The following NRIP2 variants were observed in gnomAD, a reference collection of about 807,000 sequenced individuals.
NRIP2 encodes nuclear receptor interacting protein 2, also known as nuclear receptor-interacting protein 2.
In NRIP2, 27 loss-of-function variants were observed where a neutral mutation model predicts 34.1. The observed-to-expected ratio is 0.79, with a 90% CI of 0.58 to 1.09. The LOEUF is 1.09. NRIP2 is among the 50% of genes least tolerant of loss of function. The pLI, the probability that NRIP2 is intolerant of heterozygous loss-of-function variation, is 0.00. For missense variants in NRIP2, 385 were observed against 352.6 expected (o/e 1.09, Z -0.74); for synonymous variants, 145 against 146.9 (o/e 0.99, Z 0.09).
chr12:2,830,929 C>G lies in NRIP2; in HGVS notation c.343-69G>C, dbSNP rs937721679. 3.9e-6 allele frequency: 6 copies of G among 1,539,308 alleles called. No homozygotes were observed. In the African/African-American group the frequency reaches 8.2e-5, roughly 21 times the overall value. The stretch of plus-strand genomic sequence containing the variant: ...AGGCATCCAGGCTGCTCAGTTACCC[C>G]ACTTAGATACCCCAGGATGCTCCCC... On this transcript the variant is annotated intron_variant, in intron 1 of 5. Coordinates refer to ENST00000337508, the MANE Select transcript of NRIP2 (RefSeq NM_031474.3).
chr12:2,830,735 C>G lies in NRIP2; in HGVS notation c.468G>C (p.Glu156Asp). ...TGCAGTTGACCAGAAGAGCTGGAATCTCTGTCCTGCTGGTCTTCCTCCTGC... is the reference window on the plus strand; with the variant it reads ...TGCAGTTGACCAGAAGAGCTGGAATGTCTGTCCTGCTGGTCTTCCTCCTGC... The part of the protein sequence containing the change: ...QESRRKTSRT[E>D]IPALLVNCKC... The change falls in exon 2 of 6, where the codon GAG becomes GAC. Residue 156 changes from glutamate to aspartate, a missense_variant. Glu to Asp is a conservative substitution (Grantham distance 45, BLOSUM62 2). Coordinates refer to ENST00000337508, the MANE Select transcript of NRIP2 (RefSeq NM_031474.3). The G allele has an allele frequency of 3.1e-6, 5 of 1,613,252 alleles. No individual in the cohort carries two copies. Among genetic ancestry groups the G allele is most frequent in the Non-Finnish European group, 4.2e-6 (5 of 1,179,568 alleles).
intron 1 of NRIP2, 74 bp downstream of exon 1, chr12:2,834,568 T>TG: frequency 6.6e-7 from 1 of 1,512,444 alleles, no homozygotes; most frequent in Non-Finnish European, 8.8e-7. Context: ...TTTCTGGTCC[T>TG]GCCTCCTGCT....
chr12:2,834,861 G>A lies in NRIP2; in HGVS notation c.123C>T (p.Ser41=), dbSNP rs1407215579. ...REDSVTPPPS[S]PWPTPPAGAM... ...CCCCTGCTGGAGGAGTGGGCCAGGG[G>A]CTGCTCGGTGGGGGCGTCACCGAGT... The change falls in exon 1 of 6, where the codon AGC becomes AGT. Residue 41 remains serine, a synonymous_variant. Transcript: ENST00000337508. 3 of 1,613,794 alleles carry A rather than the reference G, an allele frequency of 1.9e-6. No homozygotes were observed. The South Asian group carries it at 3.3e-5, about 18-fold the overall frequency.
At chr12:2,834,341 C>T (rs1181827041) in intron 1 of NRIP2, among the ~76,000 whole-genome samples, 1 of 152,210 alleles carries the variant, frequency 6.6e-6, no homozygotes, top group Admixed American at 6.5e-5. Context: ...TAGAGGGTTC[C>T]TGTGTTCCTG....
intron 1 of NRIP2, among the ~76,000 whole-genome samples, chr12:2,831,697 A>G (rs7307516): frequency 0.18 from 27,037 of 152,000 alleles, 2,698 homozygotes; most frequent in South Asian, 0.34. Context: ...CCCAAATTCT[A>G]TAAGTTTTGC....
At chr12:2,834,555 C>T in intron 1 of NRIP2, 87 bp downstream of exon 1, 1 of 1,502,160 alleles carries the variant, frequency 6.7e-7, no homozygotes. Context: ...TGAGGGTCTG[C>T]ACTTTCTGGT....
Position 2,827,150 on chromosome 12 carries a change from A to C in NRIP2, c.*57T>G. The C allele has an allele frequency of 6.2e-7, 1 of 1,611,784 alleles. No homozygotes were observed. The highest frequency in any genetic ancestry group is 8.5e-7 in the Non-Finnish European group (1 of 1,179,178). Reference sequence around the variant, plus strand: ...CTGGCTTCAAGAGCCCCCGTTCCCCACACGCCTCTTCTTCTAAGGCAAGGT... The same window carrying C: ...CTGGCTTCAAGAGCCCCCGTTCCCCCCACGCCTCTTCTTCTAAGGCAAGGT... On this transcript the variant is annotated 3_prime_UTR_variant, in exon 6 of 6. Transcript: ENST00000337508. This position sits in a 1 kb window ranked among gnomAD's most constrained non-coding sequence, Gnocchi z 4.0.
Position 2,834,876 on chromosome 12 carries a change from C to A in NRIP2, c.108G>T (p.Thr36=), listed in dbSNP as rs564747710. 1.9e-6 allele frequency: 3 copies of A among 1,613,722 alleles called. No homozygotes were observed. In the East Asian group the frequency reaches 6.7e-5, roughly 36 times the overall value. The change falls in exon 1 of 6, where the codon ACG becomes ACT. Residue 36 remains threonine, a synonymous_variant. Coordinates refer to ENST00000337508, the MANE Select transcript of NRIP2 (RefSeq NM_031474.3). ...TGGGCCAGGGGCTGCTCGGTGGGGG[C>A]GTCACCGAGTCCTCTCTGCTTCTTC... ...QAGRSREDSV[T]PPPSSPWPTP...
rs1449900157 is a variant in NRIP2 at position 2,825,804 on chromosome 12, C to G, written c.*1403G>C. On this transcript the variant is annotated 3_prime_UTR_variant, in exon 6 of 6. Coordinates refer to ENST00000337508, the MANE Select transcript of NRIP2 (RefSeq NM_031474.3). ...TGGAGACAGGGTCTCACTCCTTCAC[C>G]CAGGCTGGAGTCCGATGGCACGAAC... 3 of 152,280 alleles carry G rather than the reference C, an allele frequency of 2.0e-5. No homozygotes were observed. Among genetic ancestry groups the G allele is most frequent in the Non-Finnish European group, 4.4e-5 (3 of 68,144 alleles). 9.4% of individuals were successfully genotyped at this position (152,280 alleles called of 1,614,324 possible).
chr12:2,830,603 TTCTC>T, intron 2 of NRIP2, 101 bp downstream of exon 2: 5 of 1,260,448 alleles, frequency 4.0e-6, no homozygotes, highest in Non-Finnish European at 5.4e-6. Flanking sequence ...GAGGTGCCCT[TTCTC>T]CCTCCCTCCC....
Position 2,828,695 on chromosome 12 carries a change from A to T in NRIP2, c.496-281T>A, listed in dbSNP as rs571110504. Among the ~76,000 whole-genome samples the T allele has an allele frequency of 5.3e-5, 8 of 152,274 alleles. No homozygotes were observed. The East Asian group carries it at 1.4e-3, about 26-fold the overall frequency. Reference sequence around the variant, plus strand: ...CTGTCTCTACTAAAAATACAAAATTAGCTGGGTGTGGTGGCGCATGCCTGT... The same window carrying T: ...CTGTCTCTACTAAAAATACAAAATTTGCTGGGTGTGGTGGCGCATGCCTGT... On this transcript the variant is annotated intron_variant, in intron 2 of 5. Coordinates refer to ENST00000337508, the MANE Select transcript of NRIP2 (RefSeq NM_031474.3).
chr12:2,832,687 G>T (rs1168067057), intron 1 of NRIP2, among the ~76,000 whole-genome samples: 1 of 150,234 alleles, frequency 6.7e-6, no homozygotes, highest in East Asian at 2.0e-4. Context: ...TCCCCCATTA[G>T]CCTGGAGAGC....
intron 1 of NRIP2, among the ~76,000 whole-genome samples, chr12:2,831,207 GT>G (rs59616621): frequency 1.3e-5 from 2 of 148,270 alleles, no homozygotes; most frequent in African/African-American, 2.5e-5. Context: ...AACTAGGAGG[GT>G]TTTTTTTTTC....
Position 2,826,888 on chromosome 12 carries a change from C to G in NRIP2, c.*319G>C, listed in dbSNP as rs544408695. On this transcript the variant is annotated 3_prime_UTR_variant, in exon 6 of 6. Coordinates refer to ENST00000337508, the MANE Select transcript of NRIP2 (RefSeq NM_031474.3). ...ACAGCAGTCAGCAGAGCCTTCGACC[C>G]AGCCCAAGCAGGCACCCCATTGTGC... 34 of 879,260 alleles carry G rather than the reference C, an allele frequency of 3.9e-5. No individual in the cohort carries two copies. In the East Asian group the frequency reaches 1.6e-3, roughly 41 times the overall value. 54.5% of individuals were successfully genotyped at this position (879,260 alleles called of 1,614,324 possible).
intron 1 of NRIP2, among the ~76,000 whole-genome samples, 184 bp downstream of exon 1, chr12:2,834,458 C>T (rs2098018202): frequency 6.6e-6 from 1 of 152,184 alleles, no homozygotes; most frequent in South Asian, 2.1e-4. Context: ...CTCAGAGCCA[C>T]CAAACCATGG....
intron 2 of NRIP2, among the ~76,000 whole-genome samples, chr12:2,829,331 A>C (rs940242640): frequency 2.6e-5 from 4 of 152,262 alleles, no homozygotes; most frequent in Admixed American, 2.6e-4. Flanking sequence ...ATATACACAC[A>C]CATCGTTTTC....
chr12:2,827,742 T>C lies in NRIP2; in HGVS notation c.701-65A>G. ...CCAGTGGTCACTGCTGCCCTCCTCT[T>C]AGCCGTTGCTCCTTCTCTGCCCACC... On this transcript the variant is annotated intron_variant, in intron 4 of 5. Transcript: ENST00000337508. The surrounding 1 kb of genome is among the most constrained non-coding windows in gnomAD (Gnocchi z 4.0). 6.2e-7 allele frequency: 1 copy of C among 1,612,014 alleles called. No homozygotes were observed. Among genetic ancestry groups the C allele is most frequent in the Non-Finnish European group, 8.5e-7 (1 of 1,179,528 alleles).
At chr12:2,833,011 C>T (rs566491242) in intron 1 of NRIP2, among the ~76,000 whole-genome samples, 1 of 151,980 alleles carries the variant, frequency 6.6e-6, no homozygotes, top group East Asian at 1.9e-4. Context: ...GGCTTCAGGC[C>T]CCTCCCGCTG....
At position 2,826,161 on chromosome 12, in the gene NRIP2, G is replaced by C. The variant is rs1049640896; in HGVS notation, c.*1046C>G. On this transcript the variant is annotated 3_prime_UTR_variant, in exon 6 of 6. Transcript: ENST00000337508. ...TAAGGTTCGGGTTCTTCTCTTCACA[G>C]TGAATTCAAAAAAGCCTCTGTCTCC... 6.7e-6 allele frequency: 1 copy of C among 150,024 alleles called. No individual in the cohort carries two copies. 9.3% of individuals were successfully genotyped at this position (150,024 alleles called of 1,614,324 possible). A position where few individuals can be genotyped will look rare whatever the true frequency, so the allele number is the denominator to read the frequency against.
Sources: allele counts gnomAD v4.1 joint callset (sites outside exome capture counted in the v4.1 genomes callset), GRCh38; gene constraint gnomAD v4.1.1; non-coding constraint Gnocchi (gnomAD v3.1); transcripts MANE v1.5; gene names NCBI Gene and HGNC (gene_info 2026-07-23, HGNC 2026-07-21).